The following AKT3 variants were observed in gnomAD, a reference collection of about 807,000 sequenced individuals.
AKT3 encodes RAC-gamma serine/threonine-protein kinase.
A neutral mutation model predicts 65.3 loss-of-function variants in AKT3; 15 were observed. The ratio of observed to expected loss-of-function variants is 0.23; its 90% CI spans 0.15 to 0.35. The LOEUF is 0.35. Ranked by LOEUF, AKT3 falls within the 10% of genes least tolerant of loss-of-function variation. The pLI, the probability that AKT3 is intolerant of heterozygous loss-of-function variation, is 1.00. For synonymous variants in AKT3, 206 were observed against 183.8 expected, an observed-to-expected ratio of 1.12 and a Z score of -0.98; for missense variants, 243 against 576.5, an observed-to-expected ratio of 0.42 and a Z score of 5.92.
chr1:243,812,364 A>C (rs1693219313), intron 2 of AKT3, among the ~76,000 whole-genome samples: 1 of 152,244 alleles, frequency 6.6e-6, no homozygotes, highest in African/African-American at 2.4e-5. Context: ...TGGGTGAAGG[A>C]TATGAACAGA....
chr1:243,617,597 G>A (rs1481773677), intron 6 of AKT3, among the ~76,000 whole-genome samples: 3 of 152,120 alleles, frequency 2.0e-5, no homozygotes, highest in Non-Finnish European at 1.5e-5. Flanking sequence ...AGGAAAAAGT[G>A]GAGGTTATCC....
chr1:243,710,640 A>G (rs1374368864), intron 2 of AKT3, among the ~76,000 whole-genome samples: 1 of 152,198 alleles, frequency 6.6e-6, no homozygotes, highest in Non-Finnish European at 1.5e-5. Context: ...GATGAAAACA[A>G]TTTGAAAAGA....
intron 2 of AKT3, among the ~76,000 whole-genome samples, chr1:243,797,687 A>G (rs1225362889): frequency 6.6e-6 from 1 of 152,138 alleles, no homozygotes; most frequent in Non-Finnish European, 1.5e-5. Flanking sequence ...TGGGGAAGGT[A>G]TAGATGAAAG....
intron 12 of AKT3, among the ~76,000 whole-genome samples, chr1:243,530,952 C>A (rs1212670576): frequency 6.6e-6 from 1 of 152,058 alleles, no homozygotes; most frequent in African/African-American, 2.4e-5. Flanking sequence ...AATAAGATAA[C>A]CAAATCTAAT....
intron 2 of AKT3, among the ~76,000 whole-genome samples, chr1:243,748,184 T>C (rs1688595159): frequency 6.6e-6 from 1 of 152,302 alleles, no homozygotes; most frequent in South Asian, 2.1e-4. Flanking sequence ...TGTTTTAATA[T>C]TTATATTGCA....
At chr1:243,752,097 T>C (rs1052103744) in intron 2 of AKT3, among the ~76,000 whole-genome samples, 13 of 152,206 alleles carry the variant, frequency 8.5e-5, no homozygotes, top group African/African-American at 2.9e-4. Flanking sequence ...CTCTGTTTTA[T>C]TATTTAAGAG....
At position 243,499,892 on chromosome 1, in the gene AKT3, G is replaced by A. The variant is rs562761595; in HGVS notation, c.*5357C>T. The stretch of plus-strand genomic sequence containing the variant: ...ACCACGACCTTCCCAGGGTGACACC[G>A]CCTCAGCCTGCAGTGGGGCTGGTCC... On this transcript the variant is annotated 3_prime_UTR_variant, in exon 14 of 14. Coordinates refer to ENST00000673466, the MANE Select transcript of AKT3 (RefSeq NM_005465.7). 2.1e-5 allele frequency: 22 copies of A among 1,067,204 alleles called. No individual in the cohort carries two copies. The highest frequency in any genetic ancestry group is 7.3e-5 in the Admixed American group (4 of 54,510). 66.1% of individuals were successfully genotyped at this position (1,067,204 alleles called of 1,614,324 possible).
At chr1:243,636,489 T>A (rs1679981520) in intron 6 of AKT3, among the ~76,000 whole-genome samples, 1 of 152,054 alleles carries the variant, frequency 6.6e-6, no homozygotes, top group South Asian at 2.1e-4. Context: ...CCAGCTAGGA[T>A]GCTAAATACC....
rs367585326 is a variant in AKT3, at chr1:243,645,957, G to A, written c.365C>T (p.Thr122Ile). ...CTCTCCTATATTATCAATTTGTGAAGTTGGACTACAATTCATTCTCTCCTC... is the reference window on the plus strand; with the variant it reads ...CTCTCCTATATTATCAATTTGTGAAATTGGACTACAATTCATTCTCTCCTC... ...QEEERMNCSP[T>I]SQIDNIGEEE... Residue 122 changes from threonine (T) to isoleucine (I), a missense_variant, in exon 5 of 14, where the codon ACT becomes ATT. Physicochemically the swap from Thr to Ile is moderately conservative, Grantham distance 89. This residue lies in a region of AKT3 where 72 missense variants were observed against 86.0 expected (regional missense o/e 0.84). Transcript: ENST00000673466. 1 of 1,612,490 alleles carries A rather than the reference G, an allele frequency of 6.2e-7. No homozygotes were observed. Among genetic ancestry groups the A allele is most frequent in the South Asian group, 1.1e-5 (1 of 90,980 alleles).
Position 243,826,111 on chromosome 1 carries a change from G to A in AKT3, c.46+17014C>T, listed in dbSNP as rs372787728. Among the ~76,000 whole-genome samples, 43 of 151,800 alleles carry A rather than the reference G, an allele frequency of 2.8e-4. 2 individuals are homozygous for A. In the East Asian group the frequency reaches 4.4e-3, roughly 16 times the overall value. The stretch of plus-strand genomic sequence containing the variant: ...GGCACCACTGCACTCCATCCTGGGC[G>A]ACAGAGTGAGACTTCATCTCAAAAA... On this transcript the variant is annotated intron_variant, in intron 2 of 13. Transcript: ENST00000673466.
At chr1:243,578,346 T>C (rs370991997) in intron 8 of AKT3, among the ~76,000 whole-genome samples, 2 of 152,124 alleles carry the variant, frequency 1.3e-5, no homozygotes, top group African/African-American at 4.8e-5. Flanking sequence ...AGAAATACTA[T>C]GCGGCCATAA....
chr1:243,605,426 G>A (rs571933334), intron 8 of AKT3, among the ~76,000 whole-genome samples: 1 of 152,240 alleles, frequency 6.6e-6, no homozygotes, highest in South Asian at 2.1e-4. Flanking sequence ...TATATTCCAT[G>A]AAGCTCTATG....
chr1:243,608,423 G>C (rs769111597), intron 8 of AKT3, among the ~76,000 whole-genome samples: 1 of 152,148 alleles, frequency 6.6e-6, no homozygotes, highest in Non-Finnish European at 1.5e-5. Flanking sequence ...AGCATAAATT[G>C]AGTAAAAATT....
At chr1:243,605,216 C>T (rs975987325) in intron 8 of AKT3, among the ~76,000 whole-genome samples, 3 of 150,594 alleles carry the variant, frequency 2.0e-5, no homozygotes, top group Non-Finnish European at 3.0e-5. Flanking sequence ...TTTTTTGACA[C>T]GGGATCTCAC....
At chr1:243,632,194 T>C (rs1387216207) in intron 6 of AKT3, among the ~76,000 whole-genome samples, 1 of 152,252 alleles carries the variant, frequency 6.6e-6, no homozygotes, top group Non-Finnish European at 1.5e-5. Flanking sequence ...CAGTAATTAC[T>C]GTCTATTACA....
At chr1:243,685,821 T>G (rs1314667208) in intron 3 of AKT3, among the ~76,000 whole-genome samples, 1 of 152,194 alleles carries the variant, frequency 6.6e-6, no homozygotes, top group Non-Finnish European at 1.5e-5. Flanking sequence ...AAATTATCTC[T>G]GTTTGCAGAT....
intron 2 of AKT3, 122 bp downstream of exon 2, chr1:243,843,003 C>T: frequency 8.1e-6 from 8 of 990,186 alleles, no homozygotes; most frequent in Non-Finnish European, 1.0e-5. Context: ...TATATCATTT[C>T]TCTCTTACTA....
chr1:243,531,016 A>C (rs1183217552), intron 12 of AKT3, among the ~76,000 whole-genome samples: 1 of 152,244 alleles, frequency 6.6e-6, no homozygotes, highest in Non-Finnish European at 1.5e-5. Flanking sequence ...TTTCAGATGT[A>C]AAATAGTTAC....
chr1:243,754,573 G>C (rs894362329), intron 2 of AKT3, among the ~76,000 whole-genome samples: 45 of 152,296 alleles, frequency 3.0e-4, no homozygotes, highest in African/African-American at 8.9e-4. Flanking sequence ...GTGAGCAGCA[G>C]GTGAGCGAGC....
Sources: gnomAD v4.1 joint callset for allele counts (sites outside exome capture counted in the v4.1 genomes callset) on GRCh38, gnomAD v4.1.1 for gene constraint, gnomAD v4.1.1 regional missense constraint, MANE v1.5 for transcripts, NCBI Gene and HGNC (gene_info 2026-07-23, HGNC 2026-07-21) for gene names.